The following PDE10A variants were observed in gnomAD, a reference collection of about 807,000 sequenced individuals.
PDE10A encodes phosphodiesterase 10A.
Under a neutral mutation model 97.7 loss-of-function variants are expected in PDE10A, and 39 were observed. The ratio of observed to expected loss-of-function variants is 0.40; its 90% CI spans 0.31 to 0.52. The LOEUF (loss-of-function observed/expected upper bound fraction) is 0.52, where lower values mean the gene tolerates loss of function less well. Ranked by LOEUF, PDE10A falls within the 20% of genes least tolerant of loss-of-function variation. The pLI, the probability that PDE10A is intolerant of heterozygous loss-of-function variation, is 0.56. For synonymous variants in PDE10A, 371 were observed against 376.8 expected, an observed-to-expected ratio of 0.98 and a Z score of 0.18; for missense variants, 731 against 1,047.8, an observed-to-expected ratio of 0.70 and a Z score of 4.17.
intron 1 of PDE10A, among the ~76,000 whole-genome samples, chr6:165,741,428 T>C (rs1221421308): frequency 6.6e-6 from 1 of 152,164 alleles, no homozygotes; most frequent in African/African-American, 2.4e-5. Context: ...ATTTATTAGA[T>C]GGATCAAAAT....
At chr6:165,676,817 T>G (rs189210922) in intron 1 of PDE10A, among the ~76,000 whole-genome samples, 1 of 152,192 alleles carries the variant, frequency 6.6e-6, no homozygotes, top group African/African-American at 2.4e-5. Flanking sequence ...GCCGTGGGAC[T>G]GGCGAGCGCC....
intron 1 of PDE10A, among the ~76,000 whole-genome samples, chr6:165,901,786 G>A (rs1782115522): frequency 6.6e-6 from 1 of 151,790 alleles, no homozygotes; most frequent in Admixed American, 6.6e-5. Context: ...GGCAACAAGA[G>A]TGAAACTCCA....
chr6:165,691,201 CCCCA>C (rs1297865035), intron 1 of PDE10A, among the ~76,000 whole-genome samples: 4 of 24,034 alleles, frequency 1.7e-4, no homozygotes, highest in East Asian at 8.6e-4. Context: ...CTCTCTCTCT[CCCCA>C]CACACACACA....
At chr6:165,482,273 T>C (rs770405218) in intron 3 of PDE10A, 42 bp downstream of exon 3, 1 of 1,329,286 alleles carries the variant, frequency 7.5e-7, no homozygotes, top group Admixed American at 1.7e-5. Context: ...ACAGATTCAT[T>C]TCCTATACTG....
intron 1 of PDE10A, among the ~76,000 whole-genome samples, chr6:165,737,968 A>C (rs1792620569): frequency 6.6e-6 from 1 of 152,018 alleles, no homozygotes. Context: ...GCAGATACAA[A>C]ATCACCTAAA....
chr6:165,865,269 C>G (rs1045742442), intron 1 of PDE10A, among the ~76,000 whole-genome samples: 1 of 152,164 alleles, frequency 6.6e-6, no homozygotes, highest in African/African-American at 2.4e-5. Flanking sequence ...TCTACCCAAC[C>G]CACACTACAG....
chr6:165,877,611 C>T (rs888103461), intron 1 of PDE10A, among the ~76,000 whole-genome samples: 3 of 152,030 alleles, frequency 2.0e-5, no homozygotes, highest in Admixed American at 1.3e-4. Context: ...TGTGAAATGG[C>T]TAAATTGAGC....
At chr6:165,712,226 T>C (rs1791912823) in intron 1 of PDE10A, among the ~76,000 whole-genome samples, 1 of 152,160 alleles carries the variant, frequency 6.6e-6, no homozygotes, top group African/African-American at 2.4e-5. Context: ...AGAGGTTAAT[T>C]GGACACTGCT....
chr6:165,757,951 T>C (rs1479581678), intron 1 of PDE10A, among the ~76,000 whole-genome samples: 1 of 152,204 alleles, frequency 6.6e-6, no homozygotes, highest in Non-Finnish European at 1.5e-5. Context: ...ACTAACAAAA[T>C]TCCAAGCTTA....
chr6:165,987,178 G>T (rs1301743633), intron 1 of PDE10A, among the ~76,000 whole-genome samples: 2 of 152,182 alleles, frequency 1.3e-5, no homozygotes, highest in Non-Finnish European at 2.9e-5. Flanking sequence ...CGCAGCCCTC[G>T]CTGGGAACTT....
chr6:165,916,536 A>G (rs765947235), intron 1 of PDE10A, among the ~76,000 whole-genome samples: 2 of 152,220 alleles, frequency 1.3e-5, no homozygotes, highest in Non-Finnish European at 2.9e-5. Flanking sequence ...ACGGGACAAC[A>G]CTGCATGACA....
chr6:165,945,178 G>C (rs921752919), intron 1 of PDE10A, among the ~76,000 whole-genome samples: 2 of 152,162 alleles, frequency 1.3e-5, no homozygotes, highest in Non-Finnish European at 2.9e-5. Context: ...GCTTTGGGGA[G>C]GGCCAGCCTC....
In PDE10A at chr6:165,860,482, C is replaced by CA. The variant is rs562077637; in HGVS notation, c.-615+127046dup. On this transcript the variant is annotated intron_variant, in intron 1 of 19. Transcript: ENST00000366882. ...CAAAAAACAAAACAAAACAAACAAACAAAAAAACACAAAACCAGATACCCT... is the reference window on the plus strand; with the variant it reads ...CAAAAAACAAAACAAAACAAACAAACAAAAAAAACACAAAACCAGATACCCT... Among the ~76,000 whole-genome samples, 7 of 151,992 alleles carry CA rather than the reference C, an allele frequency of 4.6e-5. No individual in the cohort carries two copies. In the East Asian group the frequency reaches 7.7e-4, roughly 17 times the overall value.
At chr6:165,494,966 A>G (rs959078337) in intron 2 of PDE10A, among the ~76,000 whole-genome samples, 1 of 152,004 alleles carries the variant, frequency 6.6e-6, no homozygotes, top group Non-Finnish European at 1.5e-5. Context: ...TTTATGGGAG[A>G]TAAGTATTTC....
intron 1 of PDE10A, among the ~76,000 whole-genome samples, chr6:165,935,400 T>C (rs1168671507): frequency 6.6e-6 from 1 of 152,136 alleles, no homozygotes; most frequent in Non-Finnish European, 1.5e-5. Context: ...CTTGACTTTG[T>C]CTTATAGCAA....
At chr6:165,431,198 T>G (rs562972803) in intron 8 of PDE10A, among the ~76,000 whole-genome samples, 1 of 151,478 alleles carries the variant, frequency 6.6e-6, no homozygotes, top group South Asian at 2.1e-4. Context: ...ATTTTATATA[T>G]AGATATATAT....
intron 1 of PDE10A, among the ~76,000 whole-genome samples, chr6:165,640,283 T>C (rs1789072574): frequency 6.6e-6 from 1 of 152,178 alleles, no homozygotes; most frequent in African/African-American, 2.4e-5. Flanking sequence ...TTTCTGTTTC[T>C]GTTTACTTAT....
rs558359329 is a variant in PDE10A, at chr6:165,742,798, G to A, written c.-614-199230C>T. Among the ~76,000 whole-genome samples the A allele has an allele frequency of 2.0e-5, 3 of 152,038 alleles. No individual in the cohort carries two copies. The East Asian group carries it at 5.8e-4, about 29-fold the overall frequency. The stretch of plus-strand genomic sequence containing the variant: ...TCAGCTGTGCTCTTCCACCCCCTAC[G>A]TCCCACTGCTGAGGGAGGGGTTCAT... On this transcript the variant is annotated intron_variant, in intron 1 of 19. Coordinates refer to the PDE10A transcript ENST00000366882.
intron 1 of PDE10A, among the ~76,000 whole-genome samples, chr6:165,600,114 T>C (rs1786853119): frequency 6.6e-6 from 1 of 152,176 alleles, no homozygotes; most frequent in Non-Finnish European, 1.5e-5. Flanking sequence ...CTTTCATCTC[T>C]GTCAAATCAA....
Sources: gnomAD v4.1 joint callset for allele counts (sites outside exome capture counted in the v4.1 genomes callset) on GRCh38, gnomAD v4.1.1 for gene constraint, MANE v1.5 for transcripts, NCBI Gene and HGNC (gene_info 2026-07-23, HGNC 2026-07-21) for gene names.